FBXW11: variants seen among roughly 807,000 people sequenced by gnomAD.
FBXW11 encodes F-box and WD repeat domain containing 11, also known as F-box/WD repeat-containing protein 11.
Under a neutral mutation model 77.6 loss-of-function variants are expected in FBXW11, and 19 were observed. That is an observed-to-expected ratio of 0.24 (90% CI 0.17 to 0.36). FBXW11 has a LOEUF of 0.36. Among genes scored for constraint, FBXW11 ranks in the 10% least tolerant of loss-of-function variants. The pLI is 1.00. For missense variants in FBXW11, 334 were observed against 704.2 expected (o/e 0.47, Z 5.95); for synonymous variants, 235 against 249.4 (o/e 0.94, Z 0.54).
chr5:171,920,897 A>G (rs1761556393), intron 2 of FBXW11, among the ~76,000 whole-genome samples: 1 of 152,212 alleles, frequency 6.6e-6, no homozygotes, highest in Middle Eastern at 3.2e-3. Context: ...TGTAAATTAC[A>G]TTTCTGAAAC....
At chr5:171,907,828 GCTT>G (rs1760628221) in intron 4 of FBXW11, among the ~76,000 whole-genome samples, 1 of 152,126 alleles carries the variant, frequency 6.6e-6, no homozygotes, top group East Asian at 1.9e-4. Context: ...CATCTGTTCT[GCTT>G]CTTCTCCAAG....
chr5:171,915,494 A>G (rs566214859), intron 2 of FBXW11, among the ~76,000 whole-genome samples: 11 of 152,306 alleles, frequency 7.2e-5, no homozygotes, highest in South Asian at 4.1e-4. Flanking sequence ...TCACCACTGA[A>G]CACTAGCTGC....
Position 171,862,326 on chromosome 5 carries a change from A to T in FBXW11, c.*1801T>A, listed in dbSNP as rs1757141042. 1.3e-5 allele frequency: 2 copies of T among 152,660 alleles called. No homozygotes were observed. The highest frequency in any genetic ancestry group is 2.9e-5 in the Non-Finnish European group (2 of 68,046). 9.5% of individuals were successfully genotyped at this position (152,660 alleles called of 1,614,324 possible). ...TAGTAACATGGGAAGGAAGGATTTT[A>T]TTTTTAAAAGAAAAACTAAAAAAGC... On this transcript the variant is annotated 3_prime_UTR_variant, in exon 14 of 14. Coordinates refer to ENST00000517395, the MANE Select transcript of FBXW11 (RefSeq NM_001378974.1).
intron 11 of FBXW11, 68 bp downstream of exon 11, chr5:171,870,680 A>AAT (rs1757702435): frequency 8.4e-7 from 1 of 1,194,014 alleles, no homozygotes; most frequent in Non-Finnish European, 1.2e-6. Flanking sequence ...AGAGTTGCTT[A>AAT]ATATATAACA....
At chr5:171,878,847 G>T (rs1758311077) in intron 7 of FBXW11, among the ~76,000 whole-genome samples, 1 of 151,850 alleles carries the variant, frequency 6.6e-6, no homozygotes, top group South Asian at 2.1e-4. Flanking sequence ...CTCACTCTCT[G>T]GAAAGCAACA....
At chr5:171,924,569 G>A (rs966234534) in intron 2 of FBXW11, among the ~76,000 whole-genome samples, 2 of 152,032 alleles carry the variant, frequency 1.3e-5, no homozygotes, top group Non-Finnish European at 2.9e-5. Context: ...TTGGATGCGG[G>A]ACAAGAACTC....
Position 171,957,593 on chromosome 5 carries a change from G to GC in FBXW11, c.147+3dup. On this transcript the variant is annotated splice_donor_region_variant and intron_variant, in intron 2 of 13. Coordinates refer to ENST00000517395, the MANE Select transcript of FBXW11 (RefSeq NM_001378974.1). ...ACATTTACAACAAGAAAGAAGAGAG[G>GC]CACCTGGAGACATCTGACACTGGGC... 1 of 1,611,858 alleles carries GC rather than the reference G, an allele frequency of 6.2e-7. No individual in the cohort carries two copies. Among genetic ancestry groups the GC allele is most frequent in the Non-Finnish European group, 8.5e-7 (1 of 1,177,944 alleles).
chr5:171,894,620 C>T (rs1215727036), intron 6 of FBXW11, among the ~76,000 whole-genome samples: 1 of 151,988 alleles, frequency 6.6e-6, no homozygotes, highest in Non-Finnish European at 1.5e-5. Context: ...TCAACTACGC[C>T]GGCCTAAAAA....
intron 3 of FBXW11, among the ~76,000 whole-genome samples, chr5:171,911,229 G>C: frequency 6.6e-6 from 1 of 152,216 alleles, no homozygotes. Context: ...AAAGTTCAAA[G>C]TTAATGCTAC....
chr5:171,977,382 ATT>A (rs1293193506), intron 1 of FBXW11, among the ~76,000 whole-genome samples: 30 of 152,134 alleles, frequency 2.0e-4, no homozygotes, highest in African/African-American at 6.8e-4. Context: ...TTCTTTATAA[ATT>A]ACCCAGTCTC....
intron 1 of FBXW11, among the ~76,000 whole-genome samples, chr5:171,982,250 T>C (rs1228124644): frequency 6.6e-6 from 1 of 152,062 alleles, no homozygotes; most frequent in African/African-American, 2.4e-5. Context: ...AATTTTATTT[T>C]ATTTATTTTT....
rs570282813 is a variant in FBXW11 at position 171,966,236 on chromosome 5, C to A, written c.46-8538G>T. On this transcript the variant is annotated intron_variant, in intron 1 of 13. Transcript: ENST00000517395. ...TTAATTTTGAGTCCATCTTAAACAT[C>A]CACAGTTTAAAATGTGTTTAAATGC... 3.9e-5 allele frequency among the ~76,000 whole-genome samples: 6 copies of A among 152,266 alleles called. No homozygotes were observed. In the South Asian group the frequency reaches 1.2e-3, roughly 32 times the overall value.
Position 171,876,314 on chromosome 5 carries a change from C to T in FBXW11, c.1192G>A (p.Val398Met). 5 of 1,614,220 alleles carry T rather than the reference C, an allele frequency of 3.1e-6. No individual in the cohort carries two copies. Among genetic ancestry groups the T allele is most frequent in the South Asian group, 1.1e-5 (1 of 91,086 alleles). ...NVVDFDDKYI[V>M]SASGDRTIKV... Reference sequence around the variant, plus strand: ...ATGGTCCTGTCACCAGAGGCAGACACGATGTACTTGTCGTCAAAGTCTACT... The same window carrying T: ...ATGGTCCTGTCACCAGAGGCAGACATGATGTACTTGTCGTCAAAGTCTACT... Residue 398 changes from valine to methionine, a missense_variant, in exon 9 of 14, where the codon GTG (valine) becomes ATG (methionine). Around this residue, in one of 10 missense-constraint regions of FBXW11, gnomAD observed 50 missense variants for 119.6 expected, o/e 0.42. Transcript: ENST00000517395. This position sits in a 1 kb window ranked among gnomAD's most constrained non-coding sequence, Gnocchi z 4.2.
chr5:171,962,491 T>C (rs535512352), intron 1 of FBXW11, among the ~76,000 whole-genome samples: 3 of 152,340 alleles, frequency 2.0e-5, no homozygotes, highest in East Asian at 3.9e-4. Context: ...GTAGGTTCTA[T>C]AGCTGAAGAA....
intron 1 of FBXW11, among the ~76,000 whole-genome samples, chr5:171,993,471 G>T (rs1765861935): frequency 6.6e-6 from 1 of 151,944 alleles, no homozygotes; most frequent in Admixed American, 6.6e-5. Flanking sequence ...AAATCAGCTG[G>T]GTGTGGTGAT....
intron 3 of FBXW11, among the ~76,000 whole-genome samples, chr5:171,911,180 A>G (rs957244244): frequency 2.0e-5 from 3 of 152,242 alleles, no homozygotes; most frequent in Non-Finnish European, 2.9e-5. Context: ...CAACTTGGCA[A>G]AGTGGCAACT....
chr5:171,989,413 C>A (rs1267014695), intron 1 of FBXW11, among the ~76,000 whole-genome samples: 1 of 152,228 alleles, frequency 6.6e-6, no homozygotes, highest in Non-Finnish European at 1.5e-5. Flanking sequence ...CGGGATAACC[C>A]GTCATTAAGT....
rs1199068816 is a variant in FBXW11 at position 171,868,657 on chromosome 5, G to A, written c.1670C>T (p.Thr557Ile). ...CTGTTATCTAGAGATGTAAGTGTAT[G>A]TTCTGGAGGGAGAACGGGTCTCATT... ...AQNETRSPSR[T>I]YTYISR is the part of the protein sequence containing the mutation. The change falls in exon 13 of 14, where the codon ACA becomes ATA. Residue 557 changes from threonine to isoleucine, a missense_variant. Thr to Ile is a moderately conservative substitution (Grantham distance 89). Transcript: ENST00000517395. The A allele has an allele frequency of 6.2e-7, 1 of 1,613,418 alleles. No homozygotes were observed. The highest frequency in any genetic ancestry group is 8.5e-7 in the Non-Finnish European group (1 of 1,179,782).
At chr5:171,907,337 T>C (rs897140357) in intron 4 of FBXW11, among the ~76,000 whole-genome samples, 4 of 152,322 alleles carry the variant, frequency 2.6e-5, no homozygotes, top group Admixed American at 6.5e-5. Context: ...TCAATTTCAA[T>C]AGTGTAAAAA....
Sources: allele counts gnomAD v4.1 joint callset (sites outside exome capture counted in the v4.1 genomes callset), GRCh38; gene constraint gnomAD v4.1.1; regional missense constraint gnomAD v4.1.1; non-coding constraint Gnocchi (gnomAD v3.1); transcripts MANE v1.5; gene names NCBI Gene and HGNC (gene_info 2026-07-23, HGNC 2026-07-21).